The following CRACD variants were observed in gnomAD, a reference collection of about 807,000 sequenced individuals.
CRACD encodes capping protein-inhibiting regulator of actin dynamics.
A neutral mutation model predicts 106.8 loss-of-function variants in CRACD; 56 were observed. The ratio of observed to expected loss-of-function variants is 0.52; its 90% confidence interval spans 0.42 to 0.66. The LOEUF (loss-of-function observed/expected upper bound fraction) is 0.66. Ranked by LOEUF, CRACD falls within the 30% of genes least tolerant of loss-of-function variation. The pLI, the probability that CRACD is intolerant of heterozygous loss-of-function variation, is 0.00. For synonymous variants in CRACD, 754 were observed against 670.8 expected (o/e 1.12, Z -1.92); for missense variants, 1,730 against 1,623.2 (o/e 1.07, Z -1.13).
chr4:56,180,187 C>T (rs1736754459), intron 2 of CRACD, among the ~76,000 whole-genome samples: 1 of 151,758 alleles, frequency 6.6e-6, no homozygotes, highest in South Asian at 2.1e-4. Context: ...CATCTGCCTC[C>T]CCTGTAAAAA....
intron 1 of CRACD, among the ~76,000 whole-genome samples, chr4:56,172,352 C>T (rs1736404328): frequency 1.3e-5 from 2 of 152,204 alleles, no homozygotes; most frequent in African/African-American, 4.8e-5. Flanking sequence ...GGGCAGAAAT[C>T]TTCTGAGTAA....
intron 3 of CRACD, among the ~76,000 whole-genome samples, chr4:56,284,501 G>C (rs2109681024): frequency 6.6e-6 from 1 of 152,144 alleles, no homozygotes; most frequent in East Asian, 1.9e-4. Flanking sequence ...GAGGCAGGTG[G>C]ATCACCTGAG....
intron 2 of CRACD, among the ~76,000 whole-genome samples, chr4:56,260,227 C>G (rs1445087954): frequency 2.0e-5 from 3 of 152,200 alleles, no homozygotes; most frequent in African/African-American, 7.2e-5. Context: ...ATCCACTTAT[C>G]ATCTAACATA....
At chr4:56,227,219 TTGCTG>T (rs531247277) in intron 2 of CRACD, among the ~76,000 whole-genome samples, 3 of 152,206 alleles carry the variant, frequency 2.0e-5, no homozygotes, top group Non-Finnish European at 4.4e-5. Context: ...AAGCAAGTTG[TTGCTG>T]TAAATACTGT....
At chr4:56,191,606 G>A (rs991837225) in intron 2 of CRACD, among the ~76,000 whole-genome samples, 16 of 152,172 alleles carry the variant, frequency 1.1e-4, no homozygotes, top group Admixed American at 6.5e-5. Flanking sequence ...CACAGTTCTG[G>A]GAATTGGAAA....
chr4:56,086,681 A>C (rs1167704714), intron 1 of CRACD, among the ~76,000 whole-genome samples: 1 of 152,096 alleles, frequency 6.6e-6, no homozygotes, highest in Non-Finnish European at 1.5e-5. Flanking sequence ...GCAGTCAGGA[A>C]GTGTCCAGGT....
intron 5 of CRACD, chr4:56,309,164 C>A: frequency 2.7e-6 from 1 of 369,980 alleles, no homozygotes; most frequent in Non-Finnish European, 5.4e-6. Flanking sequence ...TGTAGCAGGA[C>A]CCTAGTGGGA....
chr4:56,113,491 T>G (rs1734185082), intron 1 of CRACD, among the ~76,000 whole-genome samples: 1 of 152,180 alleles, frequency 6.6e-6, no homozygotes, highest in Non-Finnish European at 1.5e-5. Flanking sequence ...AGGATTCCAT[T>G]GGAGGCCATG....
At chr4:56,272,795 T>C (rs1033544210) in intron 3 of CRACD, among the ~76,000 whole-genome samples, 1 of 151,424 alleles carries the variant, frequency 6.6e-6, no homozygotes, top group Non-Finnish European at 1.5e-5. Context: ...CTGAGGAGGA[T>C]GAGGCACAAG....
intron 2 of CRACD, among the ~76,000 whole-genome samples, chr4:56,257,118 G>A (rs1226543896): frequency 2.4e-5 from 3 of 124,144 alleles, no homozygotes; most frequent in African/African-American, 6.1e-5. Flanking sequence ...GTCTCACTAT[G>A]TCACCCAGTC....
rs1746669685 is a variant in CRACD, at chr4:56,329,473, A to G, written c.*1669A>G. ...AGAAACCATTTTCTTTCTAGAAACA[A>G]TAGCTCAGCCTCACTGTAGCAGCTG... is the stretch of plus-strand genomic sequence containing the variant. On this transcript the variant is annotated 3_prime_UTR_variant, in exon 11 of 11. Transcript: ENST00000682029. 6.6e-6 allele frequency among the ~76,000 whole-genome samples: 1 copy of G among 152,238 alleles called. No homozygotes were observed. Among genetic ancestry groups the G allele is most frequent in the Non-Finnish European group, 1.5e-5 (1 of 68,030 alleles).
At chr4:56,192,005 C>T (rs1365580366) in intron 2 of CRACD, among the ~76,000 whole-genome samples, 2 of 152,158 alleles carry the variant, frequency 1.3e-5, no homozygotes, top group Non-Finnish European at 2.9e-5. Context: ...CTGTCAAAAT[C>T]AAGACCTTTT....
intron 6 of CRACD, chr4:56,311,005 C>G: frequency 2.3e-6 from 1 of 433,576 alleles, no homozygotes. Context: ...TAGCTTTCCT[C>G]AAAGGATCAT....
chr4:56,052,118 G>A lies in CRACD; in HGVS notation c.-336+2819G>A, dbSNP rs550603822. Reference sequence around the variant, plus strand: ...AGGTCTCACTGTGTTGCCCAGGCTGGTCTCAAGCAATCCTCCTGCCTTGGC... The same window carrying A: ...AGGTCTCACTGTGTTGCCCAGGCTGATCTCAAGCAATCCTCCTGCCTTGGC... On this transcript the variant is annotated intron_variant, in intron 1 of 10. Transcript: ENST00000682029. Among the ~76,000 whole-genome samples the A allele has an allele frequency of 1.6e-4, 25 of 152,100 alleles. No individual in the cohort carries two copies. In the South Asian group the frequency reaches 3.9e-3, roughly 24 times the overall value.
chr4:56,134,708 C>T (rs1734940544), intron 1 of CRACD, among the ~76,000 whole-genome samples: 1 of 152,068 alleles, frequency 6.6e-6, no homozygotes, highest in Admixed American at 6.6e-5. Context: ...TAGGCAAAGC[C>T]AGGAATTTGG....
At chr4:56,147,306 G>C (rs755486124) in intron 1 of CRACD, among the ~76,000 whole-genome samples, 1 of 152,186 alleles carries the variant, frequency 6.6e-6, no homozygotes, top group Admixed American at 6.5e-5. Context: ...AGCAAAAAGA[G>C]TTTTAAAATG....
intron 6 of CRACD, chr4:56,311,082 G>C (rs1431207135): frequency 5.0e-6 from 1 of 201,108 alleles, no homozygotes; most frequent in East Asian, 1.4e-4. Flanking sequence ...AAGGAAACGA[G>C]TCCTCTTATA....
intron 2 of CRACD, among the ~76,000 whole-genome samples, chr4:56,220,135 G>A (rs1156559173): frequency 6.6e-6 from 1 of 152,194 alleles, no homozygotes; most frequent in Non-Finnish European, 1.5e-5. Flanking sequence ...CTCCTTCACT[G>A]CAGCTTTGAT....
chr4:56,053,380 A>AT (rs1473120778), intron 1 of CRACD, among the ~76,000 whole-genome samples: 1 of 152,102 alleles, frequency 6.6e-6, no homozygotes, highest in Non-Finnish European at 1.5e-5. Context: ...TAATTTTAAT[A>AT]TTTTGATATT....
Sources: gnomAD v4.1 joint callset for allele counts (sites outside exome capture counted in the v4.1 genomes callset) on GRCh38, gnomAD v4.1.1 for gene constraint, MANE v1.5 for transcripts, NCBI Gene and HGNC (gene_info 2026-07-23, HGNC 2026-07-21) for gene names.